SIN3A: variants seen among roughly 807,000 people sequenced by gnomAD.
SIN3A encodes the protein SIN3 transcription regulator family member A.
Under a neutral mutation model 146.1 loss-of-function variants are expected in SIN3A, and 14 were observed. The ratio of observed to expected loss-of-function variants is 0.10; its 90% confidence interval spans 0.06 to 0.15. The LOEUF (loss-of-function observed/expected upper bound fraction) is 0.15, where lower values mean the gene tolerates loss of function less well. SIN3A is among the 10% of genes least tolerant of loss of function. The pLI is 1.00. For synonymous variants in SIN3A, 572 were observed against 572.0 expected (o/e 1.00, Z 0.00); for missense variants, 1,028 against 1,576.0 (o/e 0.65, Z 5.89).
chr15:75,434,765 A>G (rs1442539611), intron 1 of SIN3A, among the ~76,000 whole-genome samples: 5 of 151,650 alleles, frequency 3.3e-5, no homozygotes, highest in African/African-American at 1.2e-4. Context: ...CCTGATCAAC[A>G]TGGAGAAACT....
chr15:75,386,514 G>T (rs886199077), intron 16 of SIN3A, among the ~76,000 whole-genome samples: 4 of 152,194 alleles, frequency 2.6e-5, no homozygotes, highest in Non-Finnish European at 4.4e-5. Flanking sequence ...GACAGAGAGG[G>T]TGTTCAATAG....
At chr15:75,412,615 T>C in intron 5 of SIN3A, 148 bp downstream of exon 5, 1 of 743,072 alleles carries the variant, frequency 1.3e-6, no homozygotes. Flanking sequence ...AACCATGTCA[T>C]AGTGAAGTTT....
At chr15:75,401,388 C>T (rs961228481) in intron 10 of SIN3A, among the ~76,000 whole-genome samples, 28 of 151,822 alleles carry the variant, frequency 1.8e-4, no homozygotes, top group Non-Finnish European at 1.0e-4. Context: ...AAAAATTAGC[C>T]GGGCGTGTGG....
rs948700368 is a variant in SIN3A, at chr15:75,372,900, T to TCCA, written c.3592-694_3592-692dup. ...ACCAATGTGCATTTTAAACCAGCAATCCAGCTGATTCTAATGTATCCTGGG... is the reference window on the plus strand; with the variant it reads ...ACCAATGTGCATTTTAAACCAGCAATCCACCAGCTGATTCTAATGTATCCTGGG... On this transcript the variant is annotated intron_variant, in intron 20 of 20. Coordinates refer to ENST00000394947, the MANE Select transcript of SIN3A (RefSeq NM_001145358.2). Among the ~76,000 whole-genome samples, 5 of 148,416 alleles carry TCCA rather than the reference T, an allele frequency of 3.4e-5. No individual in the cohort carries two copies. In the South Asian group the frequency reaches 8.8e-4, roughly 26 times the overall value.
At position 75,392,476 on chromosome 15, in the gene SIN3A, C is replaced by T; in HGVS notation, c.2617G>A (p.Ala873Thr). ...TCATCCATTCCTCTTAATTTTTGAGCTGCTGTGTTACTAAACAGTAACTTG... is the reference window on the plus strand; with the variant it reads ...TCATCCATTCCTCTTAATTTTTGAGTTGCTGTGTTACTAAACAGTAACTTG... The part of the protein sequence containing the change: ...KSKLLFSNTA[A>T]QKLRGMDEVY... Residue 873 changes from alanine (A) to threonine (T), a missense_variant, in exon 15 of 21, where the codon GCT becomes ACT. Physicochemically the swap from Ala to Thr is moderately conservative, Grantham distance 58. Coordinates refer to ENST00000394947, the MANE Select transcript of SIN3A (RefSeq NM_001145358.2). 1 of 1,614,194 alleles carries T rather than the reference C, an allele frequency of 6.2e-7. No individual in the cohort carries two copies. The highest frequency in any genetic ancestry group is 1.1e-5 in the South Asian group (1 of 91,076).
At chr15:75,422,500 A>G (rs1567387530) in intron 3 of SIN3A, 147 bp downstream of exon 3, 2 of 929,382 alleles carry the variant, frequency 2.2e-6, no homozygotes, top group East Asian at 4.9e-5. Flanking sequence ...AAACATAAGC[A>G]AATTTCACAA....
chr15:75,375,441 T>C (rs1429766793), intron 20 of SIN3A, among the ~76,000 whole-genome samples: 5 of 152,210 alleles, frequency 3.3e-5, no homozygotes, highest in Non-Finnish European at 7.3e-5. Context: ...CTGCTGACAC[T>C]TGACTTTGGA....
chr15:75,424,202 G>T (rs561445954), intron 2 of SIN3A, among the ~76,000 whole-genome samples: 1 of 152,206 alleles, frequency 6.6e-6, no homozygotes, highest in Non-Finnish European at 1.5e-5. Flanking sequence ...GGAGGCCGAG[G>T]TGGGCGGATC....
chr15:75,388,983 T>G (rs945256787), intron 16 of SIN3A, among the ~76,000 whole-genome samples: 3 of 152,288 alleles, frequency 2.0e-5, no homozygotes, highest in Non-Finnish European at 2.9e-5. Context: ...ATATCATTGT[T>G]GTAAAGAACA....
chr15:75,416,220 G>C (rs890474027), intron 3 of SIN3A, among the ~76,000 whole-genome samples: 1 of 152,208 alleles, frequency 6.6e-6, no homozygotes, highest in East Asian at 1.9e-4. Flanking sequence ...AGGATCACAG[G>C]TCACTAATAG....
At chr15:75,410,041 T>C (rs377596566) in intron 7 of SIN3A, 50 bp from the exon 8 acceptor site, 3 of 1,608,152 alleles carry the variant, frequency 1.9e-6, no homozygotes, top group Non-Finnish European at 2.6e-6. Flanking sequence ...AGCAAACAAA[T>C]ATCATCTAGG....
chr15:75,419,910 C>A (rs1280501707), intron 3 of SIN3A: 1 of 152,060 alleles, frequency 6.6e-6, no homozygotes, highest in Admixed American at 6.6e-5. Context: ...AAATAAGACA[C>A]CTACATGTAA....
intron 5 of SIN3A, 60 bp from the exon 6 acceptor site, chr15:75,411,803 GTTC>G: frequency 2.0e-6 from 3 of 1,499,676 alleles, no homozygotes; most frequent in Non-Finnish European, 2.7e-6. Flanking sequence ...TACAAGGAAA[GTTC>G]AAACTAAAGA....
intron 2 of SIN3A, among the ~76,000 whole-genome samples, chr15:75,428,305 A>G (rs2073960814): frequency 6.6e-6 from 1 of 152,096 alleles, no homozygotes; most frequent in South Asian, 2.1e-4. Context: ...ACCCTTGAAT[A>G]ACACGGGTTT....
chr15:75,422,848 G>A (rs765587750), intron 2 of SIN3A, 25 bp from the exon 3 acceptor site: 1 of 1,599,560 alleles, frequency 6.3e-7, no homozygotes, highest in Non-Finnish European at 8.6e-7. Context: ...ATACAGACAG[G>A]AAACTTCAAG....
At chr15:75,454,083 T>C (rs2074451641), upstream of SIN3A, 1 of 152,032 alleles carries the variant, frequency 6.6e-6, no homozygotes, top group Non-Finnish European at 1.5e-5. Flanking sequence ...GAGGCCGGGC[T>C]ACCCGCCCCA....
intron 8 of SIN3A, among the ~76,000 whole-genome samples, chr15:75,408,219 C>T (rs1447946287): frequency 6.6e-6 from 1 of 152,186 alleles, no homozygotes; most frequent in Non-Finnish European, 1.5e-5. Flanking sequence ...GGACGTAAAT[C>T]CAAGCATGGA....
intron 3 of SIN3A, chr15:75,415,171 G>C (rs1258653033): frequency 6.6e-6 from 1 of 152,226 alleles, no homozygotes; most frequent in African/African-American, 2.4e-5. Flanking sequence ...GGAATAACTG[G>C]ACAACTCATG....
At chr15:75,402,083 T>C (rs973988080) in intron 9 of SIN3A, 113 bp from the exon 10 acceptor site, 4 of 679,054 alleles carry the variant, frequency 5.9e-6, no homozygotes, top group Non-Finnish European at 1.0e-5. Context: ...CTCAGCTCAC[T>C]GCAGCCTCCC....
Sources: gnomAD v4.1 joint callset for allele counts (sites outside exome capture counted in the v4.1 genomes callset) on GRCh38, gnomAD v4.1.1 for gene constraint, MANE v1.5 for transcripts, NCBI Gene and HGNC (gene_info 2026-07-23, HGNC 2026-07-21) for gene names.